Variants in NR5A2 observed in about 807,000 individuals in gnomAD.
NR5A2 encodes the protein nuclear receptor subfamily 5 group A member 2, also known as CYP7A promoter-binding factor.
A neutral mutation model predicts 62.7 loss-of-function variants in NR5A2; 26 were observed. That is an observed-to-expected ratio of 0.41 (90% CI 0.30 to 0.58). The LOEUF (loss-of-function observed/expected upper bound fraction) is 0.58, where lower values mean the gene tolerates loss of function less well. NR5A2 is among the 20% of genes least tolerant of loss of function. The pLI is 0.22. For synonymous variants in NR5A2, 246 were observed against 241.7 expected (o/e 1.02, Z -0.16); for missense variants, 541 against 669.1 (o/e 0.81, Z 2.11).
intron 7 of NR5A2, among the ~76,000 whole-genome samples, chr1:200,127,323 A>G (rs1229838617): frequency 1.3e-5 from 2 of 152,104 alleles, no homozygotes; most frequent in African/African-American, 2.4e-5. Context: ...TTTTTTTTTC[A>G]ATAAATACAG....
At chr1:200,125,004 C>T (rs1453728397) in intron 7 of NR5A2, among the ~76,000 whole-genome samples, 1 of 152,134 alleles carries the variant, frequency 6.6e-6, no homozygotes, top group African/African-American at 2.4e-5. Context: ...AGCTAAAAGC[C>T]GTATTCAAAT....
intron 5 of NR5A2, among the ~76,000 whole-genome samples, chr1:200,052,841 C>T (rs573885761): frequency 3.7e-4 from 56 of 152,132 alleles, no homozygotes; most frequent in African/African-American, 9.6e-4. Context: ...GGTGTTTCAC[C>T]GTGTTAGCCA....
chr1:200,162,158 G>A lies in NR5A2; in HGVS notation c.1379-11805G>A, dbSNP rs114837715. Among the ~76,000 whole-genome samples, 1,500 of 152,268 alleles carry A rather than the reference G, an allele frequency of 9.9e-3. 19 individuals are homozygous for A. Among genetic ancestry groups the A allele is most frequent in the African/African-American group, 0.033 (1,379 of 41,542 alleles). ...TTGTCCAGACATTATGCTAGGCCTG[G>A]GAAAGGTTATAATTAACAAGAGAGA... On this transcript the variant is annotated intron_variant, in intron 7 of 7. Coordinates refer to ENST00000367362, the MANE Select transcript of NR5A2 (RefSeq NM_205860.3).
chr1:200,038,749 G>A (rs1661900346), intron 1 of NR5A2: 1 of 1,365,606 alleles, frequency 7.3e-7, no homozygotes, highest in African/African-American at 1.5e-5. Flanking sequence ...GCCACGCTCA[G>A]ACAGAGGTCG....
At chr1:200,088,955 T>C (rs1228826488) in intron 5 of NR5A2, among the ~76,000 whole-genome samples, 1 of 152,184 alleles carries the variant, frequency 6.6e-6, no homozygotes, top group African/African-American at 2.4e-5. Context: ...AGTACTCCTC[T>C]CTGAGTGCAC....
intron 5 of NR5A2, among the ~76,000 whole-genome samples, chr1:200,060,195 CTT>C (rs1463707021): frequency 3.9e-5 from 6 of 152,152 alleles, no homozygotes; most frequent in Non-Finnish European, 8.8e-5. Context: ...TTCATTAACT[CTT>C]TTTCCTTTCC....
intron 4 of NR5A2, among the ~76,000 whole-genome samples, chr1:200,046,942 A>G (rs970990812): frequency 6.6e-6 from 1 of 152,224 alleles, no homozygotes; most frequent in African/African-American, 2.4e-5. Context: ...TAGGAGTGAT[A>G]TGAAACAACT....
intron 5 of NR5A2, among the ~76,000 whole-genome samples, chr1:200,100,587 TAAAAC>T (rs1665319793): frequency 6.6e-6 from 1 of 152,208 alleles, no homozygotes; most frequent in South Asian, 2.1e-4. Flanking sequence ...ATCTTTGTAA[TAAAAC>T]AGACCATTAG....
chr1:200,092,183 C>T (rs1252008363), intron 5 of NR5A2, among the ~76,000 whole-genome samples: 2 of 152,118 alleles, frequency 1.3e-5, no homozygotes, highest in Non-Finnish European at 2.9e-5. Context: ...ACAAAAAGCC[C>T]GCTTCTTAAA....
rs1665980805 is a variant in NR5A2, at chr1:200,112,119, A to G, written c.1230+798A>G. Among the ~76,000 whole-genome samples the G allele has an allele frequency of 2.0e-5, 3 of 152,148 alleles. No homozygotes were observed. The South Asian group carries it at 6.2e-4, about 32-fold the overall frequency. Reference sequence around the variant, plus strand: ...GAAAGAACCAATGAAAAGAAAATCAACACTCATCCACAGACATGTGTTGCA... The same window carrying G: ...GAAAGAACCAATGAAAAGAAAATCAGCACTCATCCACAGACATGTGTTGCA... On this transcript the variant is annotated intron_variant, in intron 6 of 7. Transcript: ENST00000367362.
chr1:200,102,686 G>A (rs1437201620), intron 5 of NR5A2, among the ~76,000 whole-genome samples: 1 of 151,920 alleles, frequency 6.6e-6, no homozygotes, highest in Non-Finnish European at 1.5e-5. Flanking sequence ...CCAAAATCTG[G>A]CCCCAAGACA....
chr1:200,102,357 T>C (rs1399887076), intron 5 of NR5A2, among the ~76,000 whole-genome samples: 1 of 152,190 alleles, frequency 6.6e-6, no homozygotes, highest in African/African-American at 2.4e-5. Flanking sequence ...CAGAGTGGTT[T>C]CTTTAGCGGT....
At chr1:200,148,240 A>T in intron 7 of NR5A2, 1 of 222,678 alleles carries the variant, frequency 4.5e-6, no homozygotes, top group Non-Finnish European at 9.5e-6. Context: ...GGCAGCATCC[A>T]AAGGAAGCCG....
intron 5 of NR5A2, among the ~76,000 whole-genome samples, chr1:200,074,051 A>C (rs920505533): frequency 6.6e-6 from 1 of 152,174 alleles, no homozygotes; most frequent in African/African-American, 2.4e-5. Context: ...TTTTTCTTCA[A>C]GACTGATTTG....
intron 7 of NR5A2, among the ~76,000 whole-genome samples, chr1:200,140,936 CAGG>C (rs1667417417): frequency 6.6e-6 from 1 of 152,154 alleles, no homozygotes; most frequent in African/African-American, 2.4e-5. Context: ...AAGGCTGAGG[CAGG>C]AGAATTGCTT....
At chr1:200,160,187 A>G (rs908393152) in intron 7 of NR5A2, among the ~76,000 whole-genome samples, 12 of 152,230 alleles carry the variant, frequency 7.9e-5, no homozygotes, top group African/African-American at 2.7e-4. Context: ...GTGTCCATGG[A>G]GTATCATGAA....
intron 5 of NR5A2, among the ~76,000 whole-genome samples, chr1:200,062,882 GA>G (rs1558115268): frequency 6.6e-6 from 1 of 152,076 alleles, no homozygotes; most frequent in South Asian, 2.1e-4. Flanking sequence ...CAGCTTTGGA[GA>G]AAAAAATTAT....
intron 5 of NR5A2, among the ~76,000 whole-genome samples, chr1:200,061,406 G>A (rs1034907573): frequency 1.5e-4 from 22 of 150,458 alleles, no homozygotes; most frequent in Non-Finnish European, 2.8e-4. Flanking sequence ...AGCCTCCAAA[G>A]TAGTTGGAAT....
At chr1:200,137,340 GT>G (rs1212834649) in intron 7 of NR5A2, among the ~76,000 whole-genome samples, 1 of 113,952 alleles carries the variant, frequency 8.8e-6, no homozygotes, top group Non-Finnish European at 1.8e-5. Context: ...TTTTTTTTAT[GT>G]TTTTGGTAGA....
Sources: allele counts gnomAD v4.1 joint callset (sites outside exome capture counted in the v4.1 genomes callset), GRCh38; gene constraint gnomAD v4.1.1; transcripts MANE v1.5; gene names NCBI Gene and HGNC (gene_info 2026-07-23, HGNC 2026-07-21).